BBOX1: variants seen among roughly 807,000 people sequenced by gnomAD.
BBOX1 encodes the protein gamma-butyrobetaine dioxygenase.
BBOX1 carries 35 observed loss-of-function variants against 41.6 expected under a neutral mutation model. The ratio of observed to expected loss-of-function variants is 0.84; its 90% CI spans 0.64 to 1.11. The LOEUF (loss-of-function observed/expected upper bound fraction) is 1.11. Among genes scored for constraint, BBOX1 ranks in the 50% most tolerant of loss-of-function variants. The probability of loss-of-function intolerance (pLI) is 0.00; values close to 1 mark genes in which losing one functional copy is unlikely to be tolerated. For synonymous variants in BBOX1, 163 were observed against 154.7 expected (o/e 1.05, Z -0.40); for missense variants, 458 against 460.6 (o/e 0.99, Z 0.05).
chr11:27,114,852 G>T (rs1859199139), intron 5 of BBOX1, among the ~76,000 whole-genome samples: 1 of 151,832 alleles, frequency 6.6e-6, no homozygotes, highest in African/African-American at 2.4e-5. Context: ...TGGATTCTTA[G>T]ATATAACATT....
chr11:27,121,129 CA>C (rs1440060131), intron 7 of BBOX1, among the ~76,000 whole-genome samples: 1 of 152,056 alleles, frequency 6.6e-6, no homozygotes, highest in Non-Finnish European at 1.5e-5. Context: ...TTTGAGCAAA[CA>C]CTTAAACGAG....
chr11:27,097,775 T>A (rs1858494710), intron 5 of BBOX1, among the ~76,000 whole-genome samples: 1 of 151,980 alleles, frequency 6.6e-6, no homozygotes, highest in Admixed American at 6.6e-5. Flanking sequence ...ATGGTCAAGA[T>A]GGGGAAATAC....
chr11:27,048,904 C>G (rs1178758639), intron 2 of BBOX1, among the ~76,000 whole-genome samples: 14 of 121,680 alleles, frequency 1.2e-4, no homozygotes, highest in African/African-American at 4.0e-4. Context: ...CCCCTCCCCC[C>G]ACCCCACAAC....
chr11:27,126,334 A>G (rs533252640), intron 8 of BBOX1, among the ~76,000 whole-genome samples: 1 of 152,282 alleles, frequency 6.6e-6, no homozygotes, highest in South Asian at 2.1e-4. Context: ...AGTTAATAGG[A>G]ATCTCCATAA....
intron 5 of BBOX1, among the ~76,000 whole-genome samples, chr11:27,100,368 C>G (rs755882294): frequency 1.3e-5 from 2 of 152,076 alleles, no homozygotes; most frequent in African/African-American, 4.8e-5. Flanking sequence ...ATAAAAATGT[C>G]TTCTGGGTTA....
chr11:27,081,133 A>C (rs561904042), intron 4 of BBOX1, among the ~76,000 whole-genome samples: 1 of 152,278 alleles, frequency 6.6e-6, no homozygotes, highest in South Asian at 2.1e-4. Context: ...ATCATATCAG[A>C]TGTAGCCTTT....
chr11:27,121,264 G>GTGAA (rs1398086950), intron 7 of BBOX1, among the ~76,000 whole-genome samples: 5 of 152,132 alleles, frequency 3.3e-5, no homozygotes, highest in African/African-American at 1.2e-4. Context: ...CTGGAACAGA[G>GTGAA]TGAAGGATGC....
intron 4 of BBOX1, among the ~76,000 whole-genome samples, chr11:27,085,542 G>T: frequency 7.2e-6 from 1 of 139,274 alleles, no homozygotes; most frequent in African/African-American, 2.7e-5. Flanking sequence ...TTACTGTCCA[G>T]CCACATTCCC....
At position 27,115,494 on chromosome 11, in the gene BBOX1, G is replaced by A; in HGVS notation, c.576G>A (p.Val192=). The part of the protein sequence containing the change: ...QVQDKIDANN[V]AYTTGKLSFH... Reference sequence around the variant, plus strand: ...AAGACAAAATCGATGCAAACAATGTGGCTTACACAACTGGGAAGCTAAGCT... The same window carrying A: ...AAGACAAAATCGATGCAAACAATGTAGCTTACACAACTGGGAAGCTAAGCT... Residue 192 remains valine (V), a synonymous_variant, in exon 6 of 9, where the codon GTG becomes GTA. Transcript: ENST00000263182. 2.5e-6 allele frequency: 4 copies of A among 1,611,106 alleles called. No individual in the cohort carries two copies. Among genetic ancestry groups the A allele is most frequent in the Non-Finnish European group, 3.4e-6 (4 of 1,178,136 alleles).
chr11:27,049,782 A>T (rs1007594322), intron 2 of BBOX1, among the ~76,000 whole-genome samples: 1 of 152,140 alleles, frequency 6.6e-6, no homozygotes, highest in African/African-American at 2.4e-5. Context: ...TATGATTTAC[A>T]AATATTTTCT....
At chr11:27,042,104 A>G (rs1001857873) in intron 2 of BBOX1, among the ~76,000 whole-genome samples, 1 of 152,244 alleles carries the variant, frequency 6.6e-6, no homozygotes, top group Non-Finnish European at 1.5e-5. Flanking sequence ...TAATGAATAT[A>G]TGTTCTGGTT....
At chr11:27,064,002 T>C (rs1257426450) in intron 4 of BBOX1, among the ~76,000 whole-genome samples, 1 of 152,216 alleles carries the variant, frequency 6.6e-6, no homozygotes, top group Non-Finnish European at 1.5e-5. Flanking sequence ...AAAAATCTTG[T>C]GTGTTTTTCT....
intron 4 of BBOX1, among the ~76,000 whole-genome samples, chr11:27,086,587 T>C (rs1437416256): frequency 6.6e-6 from 1 of 152,166 alleles, no homozygotes; most frequent in African/African-American, 2.4e-5. Flanking sequence ...AAAGCTCTTA[T>C]TAAGATGTAC....
intron 4 of BBOX1, among the ~76,000 whole-genome samples, chr11:27,075,520 A>G (rs987185139): frequency 6.6e-6 from 1 of 152,248 alleles, no homozygotes. Context: ...GGGAGCTCTC[A>G]GTGAAATGCA....
intron 4 of BBOX1, among the ~76,000 whole-genome samples, chr11:27,075,792 A>G (rs1424435522): frequency 6.6e-6 from 1 of 152,180 alleles, no homozygotes; most frequent in Non-Finnish European, 1.5e-5. Context: ...GAAGTGTTCC[A>G]GAAAGGCTGC....
At chr11:27,049,091 G>A (rs1851586947) in intron 2 of BBOX1, among the ~76,000 whole-genome samples, 1 of 150,910 alleles carries the variant, frequency 6.6e-6, no homozygotes, top group Admixed American at 6.6e-5. Context: ...CATTTTTTAT[G>A]GCTGCATAGT....
chr11:27,094,425 G>C (rs1261817034), intron 5 of BBOX1, among the ~76,000 whole-genome samples: 1 of 151,958 alleles, frequency 6.6e-6, no homozygotes. Context: ...TGGCCCACAT[G>C]ATGTTGAAAG....
intron 5 of BBOX1, among the ~76,000 whole-genome samples, chr11:27,105,297 A>C (rs1564982815): frequency 6.6e-6 from 1 of 152,166 alleles, no homozygotes; most frequent in Non-Finnish European, 1.5e-5. Flanking sequence ...CTCCGAGCTA[A>C]ATAAAGGAGG....
chr11:27,097,634 C>T (rs746869549), intron 5 of BBOX1, among the ~76,000 whole-genome samples: 3 of 152,012 alleles, frequency 2.0e-5, no homozygotes, highest in East Asian at 1.9e-4. Context: ...TTCCATAAAG[C>T]GAAGGAACAG....
Sources: allele counts gnomAD v4.1 joint callset (sites outside exome capture counted in the v4.1 genomes callset), GRCh38; gene constraint gnomAD v4.1.1; transcripts MANE v1.5; gene names NCBI Gene and HGNC (gene_info 2026-07-23, HGNC 2026-07-21).